WDFY3: variants seen among roughly 807,000 people sequenced by gnomAD.
WDFY3 encodes the protein WD repeat and FYVE domain-containing protein 3.
Under a neutral mutation model 409.6 loss-of-function variants are expected in WDFY3, and 66 were observed. The ratio of observed to expected loss-of-function variants is 0.16; its 90% CI spans 0.13 to 0.20. WDFY3 has a LOEUF of 0.20. WDFY3 is among the 10% of genes least tolerant of loss of function. WDFY3 has a pLI of 1.00. For synonymous variants in WDFY3, 1,521 were observed against 1,537.1 expected (o/e 0.99, Z 0.25); for missense variants, 3,031 against 4,298.1 (o/e 0.71, Z 8.24).
chr4:84,778,710 CACACACACAA>C, intron 26 of WDFY3, 55 bp from the exon 27 acceptor site: 1 of 1,544,724 alleles, frequency 6.5e-7, no homozygotes, highest in Non-Finnish European at 8.8e-7. Context: ...ATATTCATTA[CACACACACAA>C]ACACACACAT....
intron 2 of WDFY3, among the ~76,000 whole-genome samples, chr4:84,911,738 T>C (rs1767823896): frequency 6.6e-6 from 1 of 152,180 alleles, no homozygotes; most frequent in Non-Finnish European, 1.5e-5. Flanking sequence ...ATGCATAAAA[T>C]ATATGTAGAT....
In WDFY3 at chr4:84,801,522, C is replaced by T. The variant is rs180925561; in HGVS notation, c.2822+128G>A. The stretch of plus-strand genomic sequence containing the variant: ...AGTGCCATATTTTGAGTATTTTGTC[C>T]ATTTTTGTTATATTTTGCCCATAGA... On this transcript the variant is annotated intron_variant, in intron 17 of 67. Coordinates refer to ENST00000295888, the MANE Select transcript of WDFY3 (RefSeq NM_014991.6). 2.7e-3 allele frequency: 2,398 copies of T among 897,450 alleles called. 15 individuals are homozygous for T. Among genetic ancestry groups the T allele is most frequent in the Non-Finnish European group, 2.4e-3 (1,482 of 622,070 alleles). The allele number at this position is 897,450 out of a possible 1,614,324, so 55.6% of individuals were successfully genotyped here.
At chr4:84,892,900 T>A (rs937973795) in intron 3 of WDFY3, among the ~76,000 whole-genome samples, 2 of 152,250 alleles carry the variant, frequency 1.3e-5, no homozygotes, top group Non-Finnish European at 2.9e-5. Flanking sequence ...GGAATGTTTC[T>A]CTGAGAAGTT....
intron 47 of WDFY3, among the ~76,000 whole-genome samples, chr4:84,720,549 G>T (rs1477236251): frequency 6.6e-6 from 1 of 152,096 alleles, no homozygotes; most frequent in Non-Finnish European, 1.5e-5. Context: ...CTTCATGAAT[G>T]GCTTGGTGTT....
chr4:84,692,846 T>A (rs781438553), intron 59 of WDFY3, 39 bp downstream of exon 59: 4 of 1,559,564 alleles, frequency 2.6e-6, no homozygotes, highest in Non-Finnish European at 3.5e-6. Flanking sequence ...AACAATCCCA[T>A]TAAATCATTA....
intron 1 of WDFY3, among the ~76,000 whole-genome samples, chr4:84,946,307 G>T (rs185630651): frequency 6.6e-6 from 1 of 152,290 alleles, no homozygotes; most frequent in African/African-American, 2.4e-5. Flanking sequence ...ACTGGTGTGT[G>T]ATAAGTACCC....
At chr4:84,960,242 C>T (rs2151195980) in intron 1 of WDFY3, among the ~76,000 whole-genome samples, 1 of 152,240 alleles carries the variant, frequency 6.6e-6, no homozygotes, top group South Asian at 2.1e-4. Flanking sequence ...GCTACACAGC[C>T]ACTTCCCCTA....
Position 84,814,933 on chromosome 4 carries a change from T to C in WDFY3, c.1887+2459A>G, listed in dbSNP as rs981225065. Among the ~76,000 whole-genome samples the C allele has an allele frequency of 2.0e-5, 3 of 152,276 alleles. No homozygotes were observed. In the East Asian group the frequency reaches 5.8e-4, roughly 29 times the overall value. ...GATATGGGGGGACTACCATACAAAA[T>C]GGAGTTCTAAGCCACCTCTTTGAGA... On this transcript the variant is annotated intron_variant, in intron 13 of 67. Coordinates refer to ENST00000295888, the MANE Select transcript of WDFY3 (RefSeq NM_014991.6).
At chr4:84,868,384 AAAAC>A (rs1482341135) in intron 3 of WDFY3, among the ~76,000 whole-genome samples, 15 of 152,062 alleles carry the variant, frequency 9.9e-5, no homozygotes, top group Admixed American at 5.2e-4. Flanking sequence ...TGTACAGTAC[AAAAC>A]AAACAAACAA....
intron 30 of WDFY3, among the ~76,000 whole-genome samples, chr4:84,770,543 T>C (rs1744499368): frequency 6.6e-6 from 1 of 152,160 alleles, no homozygotes; most frequent in South Asian, 2.1e-4. Flanking sequence ...ACGCTCAGGC[T>C]AAAGTTTCAT....
intron 15 of WDFY3, among the ~76,000 whole-genome samples, chr4:84,806,554 TAA>T (rs1270679360): frequency 6.7e-6 from 1 of 149,730 alleles, no homozygotes; most frequent in Admixed American, 6.6e-5. Flanking sequence ...TCTTTAAGAA[TAA>T]AAAGAGAATG....
chr4:84,873,725 AG>A (rs1762412949), intron 3 of WDFY3, among the ~76,000 whole-genome samples: 1 of 152,210 alleles, frequency 6.6e-6, no homozygotes, highest in Non-Finnish European at 1.5e-5. Context: ...CAGTAAACTT[AG>A]TGTAAATCTC....
At chr4:84,851,777 T>G (rs1308431321) in intron 4 of WDFY3, among the ~76,000 whole-genome samples, 1 of 152,104 alleles carries the variant, frequency 6.6e-6, no homozygotes, top group Non-Finnish European at 1.5e-5. Flanking sequence ...CCCTTATCTG[T>G]GAGAGGTAAG....
intron 53 of WDFY3, among the ~76,000 whole-genome samples, chr4:84,707,301 TGAAG>T (rs372263844): frequency 6.6e-6 from 1 of 152,130 alleles, no homozygotes; most frequent in African/African-American, 2.4e-5. Context: ...GAGGGCACAC[TGAAG>T]GAAGGAGAGA....
In WDFY3 at chr4:84,872,876, T is replaced by C. The variant is rs529914484; in HGVS notation, c.-31-12254A>G. On this transcript the variant is annotated intron_variant, in intron 3 of 67. Coordinates refer to ENST00000295888, the MANE Select transcript of WDFY3 (RefSeq NM_014991.6). ...AAAAAGATTTTTAAAAAAAGCAGGA[T>C]GCAGTAGCTAAATTAATTTTACAAG... 4.8e-4 allele frequency among the ~76,000 whole-genome samples: 73 copies of C among 152,316 alleles called. 1 individual carries two copies. Among genetic ancestry groups the C allele is most frequent in the African/African-American group, 1.5e-3 (64 of 41,572 alleles).
intron 1 of WDFY3, among the ~76,000 whole-genome samples, chr4:84,936,120 A>C (rs575490519): frequency 5.3e-5 from 8 of 152,294 alleles, no homozygotes; most frequent in Non-Finnish European, 8.8e-5. Context: ...CAGAAACCTG[A>C]ATTCCAGACT....
At chr4:84,807,943 G>A (rs1446319752) in intron 15 of WDFY3, among the ~76,000 whole-genome samples, 3 of 150,840 alleles carry the variant, frequency 2.0e-5, no homozygotes, top group Non-Finnish European at 4.4e-5. Context: ...TGATCCCAAC[G>A]TTTAAAGTAA....
chr4:84,773,963 G>A (rs1279232521), intron 29 of WDFY3, among the ~76,000 whole-genome samples: 5 of 152,044 alleles, frequency 3.3e-5, no homozygotes, highest in African/African-American at 9.7e-5. Context: ...CTCATGATCC[G>A]CCTGCCTCAG....
intron 30 of WDFY3, among the ~76,000 whole-genome samples, chr4:84,771,825 A>G (rs1744730904): frequency 6.6e-6 from 1 of 152,226 alleles, no homozygotes; most frequent in African/African-American, 2.4e-5. Context: ...GCTTCACCAG[A>G]GAAATATCAG....
Sources: allele counts gnomAD v4.1 joint callset (sites outside exome capture counted in the v4.1 genomes callset), GRCh38; gene constraint gnomAD v4.1.1; transcripts MANE v1.5; gene names NCBI Gene and HGNC (gene_info 2026-07-23, HGNC 2026-07-21).